Variants in PAK1IP1 observed in about 807,000 individuals in gnomAD.
PAK1IP1 encodes the protein PAK1 interacting protein 1.
In PAK1IP1, 24 loss-of-function variants were observed where a neutral mutation model predicts 42.0. The observed-to-expected ratio is 0.57, with a 90% CI of 0.41 to 0.80. The LOEUF is 0.80. PAK1IP1 is among the 30% of genes least tolerant of loss of function. The probability of loss-of-function intolerance (pLI) is 0.00; values close to 1 mark genes in which losing one functional copy is unlikely to be tolerated. For synonymous variants in PAK1IP1, 154 were observed against 156.7 expected (o/e 0.98, Z 0.13); for missense variants, 411 against 467.9 (o/e 0.88, Z 1.12).
chr6:10,704,718 A>G (rs371624454), intron 6 of PAK1IP1, 29 bp from the exon 7 acceptor site: 8 of 1,595,792 alleles, frequency 5.0e-6, no homozygotes, highest in Admixed American at 1.7e-5. Context: ...GACATTCTGG[A>G]TGTTATTACT....
Position 10,708,944 on chromosome 6 carries a change from T to C in PAK1IP1, c.841-9T>C, listed in dbSNP as rs369361579. 178 of 1,591,078 alleles carry C rather than the reference T, an allele frequency of 1.1e-4. No homozygotes were observed. The highest frequency in any genetic ancestry group is 1.5e-4 in the Non-Finnish European group (174 of 1,169,594). On this transcript the variant is annotated splice_polypyrimidine_tract_variant and intron_variant, in intron 8 of 9. Transcript: ENST00000379568. ...ATGCACATTATGAATGTTTGTTTCT[T>C]CTGTTTAGAAAGTTCCCCCATCTTT...
chr6:10,709,263 C>T lies in PAK1IP1; in HGVS notation c.990C>T (p.Gly330=). 6.2e-7 allele frequency: 1 copy of T among 1,610,148 alleles called. No homozygotes were observed. Among genetic ancestry groups the T allele is most frequent in the Non-Finnish European group, 8.5e-7 (1 of 1,179,068 alleles). ...TAAGTAAAGAACAGTCCAAAATTGG[C>T]AAAAAGGAGCCTGGTGACACAGTGC... The part of the protein sequence containing the change: ...SPVSKEQSKI[G]KKEPGDTVHK... The change falls in exon 10 of 10, where the codon GGC becomes GGT. Residue 330 remains glycine (G), a synonymous_variant. Transcript: ENST00000379568.
At chr6:10,709,158 C>T in intron 9 of PAK1IP1, 80 bp from the exon 10 acceptor site, 1 of 1,509,208 alleles carries the variant, frequency 6.6e-7, no homozygotes. Context: ...CAGATAATTT[C>T]ACTTTATTGA....
At position 10,703,585 on chromosome 6, in the gene PAK1IP1, A is replaced by G. The variant is rs890293136; in HGVS notation, c.496+128A>G. ...AGAAAATTCAACACCTTACCTCATG[A>G]TGGGTCACAGTCAGAACCTTGTTTC... On this transcript the variant is annotated intron_variant, in intron 5 of 9. Coordinates refer to ENST00000379568, the MANE Select transcript of PAK1IP1 (RefSeq NM_017906.3). 6.4e-6 allele frequency: 4 copies of G among 625,706 alleles called. No homozygotes were observed. In the Admixed American group the frequency reaches 1.2e-4, roughly 19 times the overall value. 38.8% of individuals were successfully genotyped at this position (625,706 alleles called of 1,614,324 possible).
At chr6:10,694,365 G>GCAGGGCTGGGGTT (rs1554149150), upstream of PAK1IP1, 2 of 152,994 alleles carry the variant, frequency 1.3e-5, no homozygotes, top group Non-Finnish European at 1.5e-5. Flanking sequence ...GAGAAAGTGT[G>GCAGGGCTGGGGTT]CAGGGCTGGG....
chr6:10,706,576 A>G (rs1170163698), intron 7 of PAK1IP1, among the ~76,000 whole-genome samples: 1 of 152,036 alleles, frequency 6.6e-6, no homozygotes, highest in East Asian at 1.9e-4. Flanking sequence ...AAGTTACATG[A>G]TTTGATTTAC....
intron 8 of PAK1IP1, among the ~76,000 whole-genome samples, chr6:10,708,017 C>A (rs970967630): frequency 6.7e-6 from 1 of 150,098 alleles, no homozygotes; most frequent in Non-Finnish European, 1.5e-5. Context: ...GGAAATAAGA[C>A]CTGATTCCTT....
chr6:10,692,669 G>C (rs1769440018), upstream of PAK1IP1, among the ~76,000 whole-genome samples: 1 of 152,126 alleles, frequency 6.6e-6, no homozygotes, highest in Non-Finnish European at 1.5e-5. Context: ...TCGATCTCTT[G>C]ATCTCGTCAA....
At chr6:10,693,875 G>C (rs1340597288), upstream of PAK1IP1, among the ~76,000 whole-genome samples, 4 of 152,138 alleles carry the variant, frequency 2.6e-5, no homozygotes, top group Non-Finnish European at 5.9e-5. Context: ...GCCACAGGCG[G>C]GCGTCGCCAT....
intron 7 of PAK1IP1, among the ~76,000 whole-genome samples, chr6:10,705,109 G>A (rs1367828867): frequency 1.3e-5 from 2 of 152,088 alleles, no homozygotes; most frequent in African/African-American, 4.8e-5. Context: ...CGGATCAGGA[G>A]GTCAAGAGAT....
Position 10,702,261 on chromosome 6 carries a change from GA to G in PAK1IP1, c.248-101del, listed in dbSNP as rs1002241269. ...GCCTCAAAAAAAAAAAAAAGAAAAA[GA>G]AAAAAAGGTATTGAGTGTTTTACTT... On this transcript the variant is annotated intron_variant, in intron 2 of 9. Transcript: ENST00000379568. 389 of 814,382 alleles carry G rather than the reference GA, an allele frequency of 4.8e-4. 2 individuals are homozygous for G. Among genetic ancestry groups the G allele is most frequent in the Non-Finnish European group, 7.0e-4 (369 of 528,964 alleles). The allele number at this position is 814,382 out of a possible 1,614,324, so 50.4% of individuals were successfully genotyped here.
At chr6:10,694,731 AT>A (rs940296505), upstream of PAK1IP1, 4 of 389,156 alleles carry the variant, frequency 1.0e-5, no homozygotes, top group East Asian at 4.5e-5. Context: ...CTTGCCCCCG[AT>A]TTTTTTCTCC....
Position 10,704,533 on chromosome 6 carries a change from A to G in PAK1IP1, c.523A>G (p.Arg175Gly). 1 of 1,598,230 alleles carries G rather than the reference A, an allele frequency of 6.3e-7. No homozygotes were observed. Among genetic ancestry groups the G allele is most frequent in the Non-Finnish European group, 8.6e-7 (1 of 1,168,854 alleles). The change falls in exon 6 of 10, where the codon AGA (arginine) becomes GGA (glycine). Residue 175 changes from arginine (R) to glycine (G), a missense_variant. Physicochemically the swap from Arg to Gly is moderately radical, Grantham distance 125. Transcript: ENST00000379568. ...TGCTCACATAGTAGAATGGTCCCCA[A>G]GAGGAGAGCAGTATGTAGTTATCAT... is the stretch of plus-strand genomic sequence containing the variant. ...QNAHIVEWSPRGEQYVVIIQN... is the reference protein window; with the variant it reads ...QNAHIVEWSPGGEQYVVIIQN...
Position 10,707,455 on chromosome 6 carries a change from G to C in PAK1IP1, c.781G>C (p.Val261Leu), listed in dbSNP as rs1469627432. 1.2e-6 allele frequency: 2 copies of C among 1,611,618 alleles called. No individual in the cohort carries two copies. Among genetic ancestry groups the C allele is most frequent in the Admixed American group, 3.3e-5 (2 of 60,016 alleles). Reference protein sequence around the residue: ...MFSFEIPEHHVIVSASSDGFI... With the variant: ...MFSFEIPEHHLIVSASSDGFI... ...CAGTTTTGAAATTCCAGAGCATCATGTTATTGTTTCAGCATCGAGTGATGG... is the reference window on the plus strand; with the variant it reads ...CAGTTTTGAAATTCCAGAGCATCATCTTATTGTTTCAGCATCGAGTGATGG... Residue 261 changes from valine to leucine, a missense_variant, in exon 8 of 10, where the codon GTT becomes CTT. Physicochemically the swap from Val to Leu is conservative, Grantham distance 32. Coordinates refer to ENST00000379568, the MANE Select transcript of PAK1IP1 (RefSeq NM_017906.3).
chr6:10,693,918 G>A (rs1769593179), upstream of PAK1IP1, among the ~76,000 whole-genome samples: 1 of 151,976 alleles, frequency 6.6e-6, no homozygotes, highest in Non-Finnish European at 1.5e-5. Flanking sequence ...TTGTAGAGAC[G>A]GCATCAAAAT....
chr6:10,703,319 C>G, intron 4 of PAK1IP1, 86 bp from the exon 5 acceptor site: 4 of 926,830 alleles, frequency 4.3e-6, no homozygotes, highest in Non-Finnish European at 6.9e-6. Context: ...AGTAAAATGT[C>G]ACTTAAGTCT....
chr6:10,694,931 G>A, upstream of PAK1IP1: 1 of 1,023,846 alleles, frequency 9.8e-7, no homozygotes, highest in Non-Finnish European at 1.4e-6. Context: ...TTGGTTTCCG[G>A]TTCTGTCACC....
At chr6:10,696,315 GC>G (rs1294513659) in intron 1 of PAK1IP1, among the ~76,000 whole-genome samples, 1 of 152,160 alleles carries the variant, frequency 6.6e-6, no homozygotes, top group Non-Finnish European at 1.5e-5. Context: ...TTCAAAGGAG[GC>G]CCCCTTGGTC....
intron 2 of PAK1IP1, among the ~76,000 whole-genome samples, chr6:10,698,214 G>A (rs755841100): frequency 1.2e-4 from 17 of 145,352 alleles, no homozygotes; most frequent in Admixed American, 6.2e-4. Context: ...AAGATGTAGC[G>A]TCACAGCAAT....
Sources: gnomAD v4.1 joint callset for allele counts (sites outside exome capture counted in the v4.1 genomes callset) on GRCh38, gnomAD v4.1.1 for gene constraint, MANE v1.5 for transcripts, NCBI Gene and HGNC (gene_info 2026-07-23, HGNC 2026-07-21) for gene names.